The following CA12 variants were observed in gnomAD, a reference collection of about 807,000 sequenced individuals.
The protein encoded by CA12 is carbonic anhydrase 12.
Under a neutral mutation model 46.8 loss-of-function variants are expected in CA12, and 36 were observed. That is an observed-to-expected ratio of 0.77 (90% CI 0.59 to 1.02). The LOEUF (loss-of-function observed/expected upper bound fraction) is 1.02, where lower values mean the gene tolerates loss of function less well. CA12 is among the 50% of genes least tolerant of loss of function. CA12 has a pLI of 0.00. For missense variants in CA12, 436 were observed against 451.4 expected, an observed-to-expected ratio of 0.97 and a Z score of 0.31; for synonymous variants, 202 against 187.0, an observed-to-expected ratio of 1.08 and a Z score of -0.65.
rs576238134 is a variant in CA12 at position 63,373,282 on chromosome 15, T to C, written c.106+2376A>G. Among the ~76,000 whole-genome samples the C allele has an allele frequency of 1.3e-3, 199 of 151,974 alleles. No homozygotes were observed. The highest frequency in any genetic ancestry group is 2.2e-3 in the Non-Finnish European group (152 of 67,950). On this transcript the variant is annotated intron_variant, in intron 2 of 10. Coordinates refer to ENST00000178638, the MANE Select transcript of CA12 (RefSeq NM_001218.5). The surrounding 1 kb of genome is among the most constrained non-coding windows in gnomAD (Gnocchi z 4.9). Reference sequence around the variant, plus strand: ...TGGGAGGCTGAGGCAGGAGAATCCCTTGGACCCAGGAAGCAGAGGTTGCAG... The same window carrying C: ...TGGGAGGCTGAGGCAGGAGAATCCCCTGGACCCAGGAAGCAGAGGTTGCAG...
chr15:63,328,188 A>T lies in CA12; in HGVS notation c.875-58T>A. The T allele has an allele frequency of 6.6e-7, 1 of 1,507,090 alleles. No homozygotes were observed. Among genetic ancestry groups the T allele is most frequent in the Non-Finnish European group, 9.2e-7 (1 of 1,082,914 alleles). 93.4% of individuals were successfully genotyped at this position (1,507,090 alleles called of 1,614,324 possible). Reference sequence around the variant, plus strand: ...CTAGAGTCAAACCACACTGGATTTGAGCAGCGTGTTGAGAGACGCTCTACC... The same window carrying T: ...CTAGAGTCAAACCACACTGGATTTGTGCAGCGTGTTGAGAGACGCTCTACC... On this transcript the variant is annotated intron_variant, in intron 8 of 10. Transcript: ENST00000178638. This position sits in a 1 kb window ranked among gnomAD's most constrained non-coding sequence, Gnocchi z 5.9.
rs545387921 is a variant in CA12, at chr15:63,330,249, C to T, written c.875-2119G>A. On this transcript the variant is annotated intron_variant, in intron 8 of 10. Transcript: ENST00000178638. The surrounding 1 kb of genome is among the most constrained non-coding windows in gnomAD (Gnocchi z 4.0). ...GCTTCCAGTGTTTGTACAGCACAAG[C>T]TCTGTTTCCTGCAGGGCCTGTGGCC... is the stretch of plus-strand genomic sequence containing the variant. Among the ~76,000 whole-genome samples, 8 of 152,362 alleles carry T rather than the reference C, an allele frequency of 5.3e-5. No individual in the cohort carries two copies. The highest frequency in any genetic ancestry group is 1.9e-4 in the East Asian group (1 of 5,188).
Position 63,345,884 on chromosome 15 carries a change from C to T in CA12, c.287-265G>A, listed in dbSNP as rs115874430. Among the ~76,000 whole-genome samples, 3 of 152,330 alleles carry T rather than the reference C, an allele frequency of 2.0e-5. No homozygotes were observed. Among genetic ancestry groups the T allele is most frequent in the Non-Finnish European group, 2.9e-5 (2 of 68,026 alleles). On this transcript the variant is annotated intron_variant, in intron 3 of 10. Transcript: ENST00000178638. This position sits in a 1 kb window ranked among gnomAD's most constrained non-coding sequence, Gnocchi z 4.3. ...TCACCTTGGAAAGTGATGCCAGAAA[C>T]GCTAACACTAGACCAACGGATGGGT...
At chr15:63,363,102 G>T (rs76190352) in intron 2 of CA12, among the ~76,000 whole-genome samples, 1 of 152,172 alleles carries the variant, frequency 6.6e-6, no homozygotes, top group African/African-American at 2.4e-5. Flanking sequence ...ACGCACGCTG[G>T]GTCCCAGGCC....
At chr15:63,381,078 G>A (rs1375303344) in intron 1 of CA12, among the ~76,000 whole-genome samples, 1 of 151,960 alleles carries the variant, frequency 6.6e-6, no homozygotes, top group Non-Finnish European at 1.5e-5. Flanking sequence ...GTGTGTACGT[G>A]CACACACACG....
chr15:63,356,547 A>G (rs1462945520), intron 2 of CA12, among the ~76,000 whole-genome samples: 1 of 149,192 alleles, frequency 6.7e-6, no homozygotes, highest in East Asian at 2.0e-4. Flanking sequence ...TTTGAGACAG[A>G]GTCTCTCGCT....
At chr15:63,360,396 C>A (rs1324993889) in intron 2 of CA12, among the ~76,000 whole-genome samples, 2 of 152,210 alleles carry the variant, frequency 1.3e-5, no homozygotes, top group Non-Finnish European at 2.9e-5. Flanking sequence ...CTTTGCCCTG[C>A]AGGGAGATAT....
chr15:63,326,442 C>T lies in CA12; in HGVS notation c.993-85G>A, dbSNP rs566674765. 3.2e-5 allele frequency: 36 copies of T among 1,108,984 alleles called. No individual in the cohort carries two copies. In the East Asian group the frequency reaches 8.1e-4, roughly 25 times the overall value. 68.7% of individuals were successfully genotyped at this position (1,108,984 alleles called of 1,614,324 possible). A position where few individuals can be genotyped will look rare whatever the true frequency, so the allele number is the denominator to read the frequency against. On this transcript the variant is annotated intron_variant, in intron 10 of 10. Transcript: ENST00000178638. ...GCCTGACTCAGGTATGGAATGAGGC[C>T]GTTTTTAAAAGTTGGATTCCTCTCT... is the stretch of plus-strand genomic sequence containing the variant.
intron 2 of CA12, among the ~76,000 whole-genome samples, chr15:63,369,300 TGGTGCTGTA>T (rs2039471977): frequency 6.6e-6 from 1 of 152,228 alleles, no homozygotes; most frequent in South Asian, 2.1e-4. Flanking sequence ...CTCATGCGTT[TGGTGCTGTA>T]GAGTTTACAA....
At chr15:63,350,900 C>T (rs2039220492) in intron 2 of CA12, among the ~76,000 whole-genome samples, 1 of 152,112 alleles carries the variant, frequency 6.6e-6, no homozygotes, top group African/African-American at 2.4e-5. Context: ...GGAAACAAAT[C>T]CAGATATATT....
chr15:63,360,964 G>A (rs749858297), intron 2 of CA12, among the ~76,000 whole-genome samples: 72 of 152,336 alleles, frequency 4.7e-4, no homozygotes, highest in Admixed American at 3.3e-3. Context: ...TAAGCGAATC[G>A]GTGAATAAAC....
intron 2 of CA12, among the ~76,000 whole-genome samples, chr15:63,352,845 A>G (rs1054924955): frequency 7.2e-5 from 11 of 152,220 alleles, no homozygotes; most frequent in Non-Finnish European, 1.5e-4. Flanking sequence ...TATCTATATG[A>G]AAATGATCAA....
In CA12 at chr15:63,340,519, C is replaced by T; in HGVS notation, c.590-74G>A. ...GCATAAGTGCAGCTGAACAGAGCGACTGAGCCTAGAAACATGAACTAGCCC... is the reference window on the plus strand; with the variant it reads ...GCATAAGTGCAGCTGAACAGAGCGATTGAGCCTAGAAACATGAACTAGCCC... On this transcript the variant is annotated intron_variant, in intron 6 of 10. Transcript: ENST00000178638. The surrounding 1 kb of genome is among the most constrained non-coding windows in gnomAD (Gnocchi z 4.4). 1 of 1,588,842 alleles carries T rather than the reference C, an allele frequency of 6.3e-7. No individual in the cohort carries two copies.
rs144202211 is a variant in CA12 at position 63,364,470 on chromosome 15, G to C, written c.106+11188C>G. On this transcript the variant is annotated intron_variant, in intron 2 of 10. Coordinates refer to ENST00000178638, the MANE Select transcript of CA12 (RefSeq NM_001218.5). ...GAGTAACTCAGAAACCAGCTGAGAG[G>C]CTGGGTCCCAGTTAAACTGTACAGG... 4.1e-4 allele frequency among the ~76,000 whole-genome samples: 63 copies of C among 152,112 alleles called. 1 individual carries two copies. In the East Asian group the frequency reaches 0.012, roughly 28 times the overall value.
intron 3 of CA12, 65 bp downstream of exon 3, chr15:63,346,465 G>T: frequency 8.1e-7 from 1 of 1,236,404 alleles, no homozygotes; most frequent in Non-Finnish European, 1.1e-6. Flanking sequence ...AGATGGAAAA[G>T]GACAGGCCTG....
In CA12 at chr15:63,338,967, GC is replaced by G. The variant is rs755978697; in HGVS notation, c.748-23del. The G allele has an allele frequency of 2.5e-6, 4 of 1,614,010 alleles. No homozygotes were observed. In the South Asian group the frequency reaches 4.4e-5, roughly 18 times the overall value. On this transcript the variant is annotated intron_variant, in intron 7 of 10. Transcript: ENST00000178638. ...GCAGCTGAGGGCAAGAGCAGAAATA[GC>G]CCGCAGGCAGAATGACCTCCTCACC...
rs188218034 is a variant in CA12, at chr15:63,331,101, A to G, written c.875-2971T>C. Among the ~76,000 whole-genome samples the G allele has an allele frequency of 3.9e-5, 6 of 152,346 alleles. No individual in the cohort carries two copies. Among genetic ancestry groups the G allele is most frequent in the African/African-American group, 2.4e-5 (1 of 41,584 alleles). On this transcript the variant is annotated intron_variant, in intron 8 of 10. Coordinates refer to ENST00000178638, the MANE Select transcript of CA12 (RefSeq NM_001218.5). The surrounding 1 kb of genome is among the most constrained non-coding windows in gnomAD (Gnocchi z 5.3). The stretch of plus-strand genomic sequence containing the variant: ...TGTTGTTGGAATGCTGTCCCTGCCA[A>G]TCGAGACAGCACCAACCATCATGGA...
At position 63,345,627 on chromosome 15, in the gene CA12, G is replaced by T. The variant is rs757235276; in HGVS notation, c.287-8C>A. 2 of 1,610,714 alleles carry T rather than the reference G, an allele frequency of 1.2e-6. No homozygotes were observed. Among genetic ancestry groups the T allele is most frequent in the Admixed American group, 3.3e-5 (2 of 59,952 alleles). On this transcript the variant is annotated splice_region_variant and splice_polypyrimidine_tract_variant and intron_variant, in intron 3 of 10. Coordinates refer to ENST00000178638, the MANE Select transcript of CA12 (RefSeq NM_001218.5). This position sits in a 1 kb window ranked among gnomAD's most constrained non-coding sequence, Gnocchi z 4.3. ...AGGGCAGGTTCAGCTTCACTGCGGG[G>T]AGTGGAGGAGCAGCCTTCAGAGCCC...
intron 2 of CA12, 146 bp downstream of exon 2, chr15:63,375,512 C>T (rs1180397985): frequency 1.6e-6 from 1 of 636,392 alleles, no homozygotes; most frequent in East Asian, 2.8e-5. Flanking sequence ...TAGGAGATGC[C>T]TTTGTACTCT....
Sources: gnomAD v4.1 joint callset for allele counts (sites outside exome capture counted in the v4.1 genomes callset) on GRCh38, gnomAD v4.1.1 for gene constraint, Gnocchi (gnomAD v3.1) non-coding constraint, MANE v1.5 for transcripts, NCBI Gene and HGNC (gene_info 2026-07-23, HGNC 2026-07-21) for gene names.